The following ACER3 variants were observed in gnomAD, a reference collection of about 807,000 sequenced individuals.
ACER3 encodes the protein alkCDase 3.
In ACER3, 16 loss-of-function variants were observed where a neutral mutation model predicts 48.9. The observed-to-expected ratio is 0.33, with a 90% CI of 0.22 to 0.50. The LOEUF is 0.50. ACER3 is among the 20% of genes least tolerant of loss of function. ACER3 has a pLI of 0.98. For synonymous variants in ACER3, 109 were observed against 107.8 expected (o/e 1.01, Z -0.07); for missense variants, 227 against 326.0 (o/e 0.70, Z 2.34).
At chr11:76,963,585 A>G (rs1202820832) in intron 3 of ACER3, among the ~76,000 whole-genome samples, 1 of 151,338 alleles carries the variant, frequency 6.6e-6, no homozygotes, top group Non-Finnish European at 1.5e-5. Flanking sequence ...GGTCAAATCC[A>G]GTGACATGCT....
At chr11:76,885,836 GA>G (rs1400097571) in intron 1 of ACER3, among the ~76,000 whole-genome samples, 2 of 152,264 alleles carry the variant, frequency 1.3e-5, no homozygotes, top group Middle Eastern at 3.4e-3. Context: ...CTAGCTCTGG[GA>G]GGAGCAATTC....
At chr11:76,907,094 G>C (rs898226281) in intron 1 of ACER3, among the ~76,000 whole-genome samples, 3 of 151,918 alleles carry the variant, frequency 2.0e-5, no homozygotes, top group Non-Finnish European at 2.9e-5. Context: ...TTTTTTACAG[G>C]ATTGGATCAT....
intron 1 of ACER3, among the ~76,000 whole-genome samples, chr11:76,906,140 A>ATTGATAGGG (rs1946226936): frequency 6.6e-6 from 1 of 152,194 alleles, no homozygotes; most frequent in Admixed American, 6.5e-5. Flanking sequence ...ACTTTGAAGC[A>ATTGATAGGG]AGGATAATAT....
chr11:76,938,064 G>T (rs553976012), intron 2 of ACER3, among the ~76,000 whole-genome samples: 20 of 152,272 alleles, frequency 1.3e-4, no homozygotes, highest in Non-Finnish European at 2.4e-4. Context: ...GCTCAGGCTG[G>T]AATGCAGTGG....
intron 1 of ACER3, among the ~76,000 whole-genome samples, chr11:76,911,862 G>T (rs1194101968): frequency 6.6e-6 from 1 of 152,212 alleles, no homozygotes; most frequent in Non-Finnish European, 1.5e-5. Context: ...CAAGGGGAAT[G>T]AGGGAGTGGG....
At chr11:76,890,037 T>C (rs536852325) in intron 1 of ACER3, among the ~76,000 whole-genome samples, 4 of 152,328 alleles carry the variant, frequency 2.6e-5, no homozygotes, top group Admixed American at 2.6e-4. Context: ...TATGGCTGCA[T>C]GTTTCCTCAT....
chr11:76,911,296 C>G (rs1376895426), intron 1 of ACER3, among the ~76,000 whole-genome samples: 3 of 152,144 alleles, frequency 2.0e-5, no homozygotes, highest in Non-Finnish European at 4.4e-5. Context: ...GAGGGTTCCT[C>G]CCTCTTCTGG....
At chr11:76,964,130 C>T (rs1591000034) in intron 3 of ACER3, among the ~76,000 whole-genome samples, 3 of 151,574 alleles carry the variant, frequency 2.0e-5, no homozygotes, top group Admixed American at 2.0e-4. Flanking sequence ...CTGCACTTTC[C>T]CAATGGGCTT....
At chr11:76,913,539 G>A (rs1435594923) in intron 1 of ACER3, among the ~76,000 whole-genome samples, 1 of 120,444 alleles carries the variant, frequency 8.3e-6, no homozygotes, top group Admixed American at 7.8e-5. Flanking sequence ...TTTGAGATAC[G>A]TCCCATCAAT....
At chr11:76,877,879 A>G (rs1311063091) in intron 1 of ACER3, among the ~76,000 whole-genome samples, 4 of 151,638 alleles carry the variant, frequency 2.6e-5, no homozygotes, top group Admixed American at 2.0e-4. Context: ...TGCTTGTTTT[A>G]TATTTTATAT....
Position 77,020,363 on chromosome 11 carries a change from C to T in ACER3, c.*36C>T. 1 of 1,600,220 alleles carries T rather than the reference C, an allele frequency of 6.2e-7. No homozygotes were observed. The highest frequency in any genetic ancestry group is 8.5e-7 in the Non-Finnish European group (1 of 1,170,860). Reference sequence around the variant, plus strand: ...CACCAAGAAAACAAACAAGCACCTACCATAGACCTGGCAGAATAAATAAGG... The same window carrying T: ...CACCAAGAAAACAAACAAGCACCTATCATAGACCTGGCAGAATAAATAAGG... On this transcript the variant is annotated 3_prime_UTR_variant, in exon 11 of 11. Transcript: ENST00000532485.
chr11:77,016,075 C>A, intron 8 of ACER3, among the ~76,000 whole-genome samples: 1 of 149,000 alleles, frequency 6.7e-6, no homozygotes. Context: ...CTACTGTACT[C>A]CAGCCTGGGC....
chr11:77,001,546 A>G (rs1278192894), intron 7 of ACER3, among the ~76,000 whole-genome samples: 5 of 152,120 alleles, frequency 3.3e-5, no homozygotes, highest in African/African-American at 1.2e-4. Flanking sequence ...GTGAGACAAC[A>G]CGCTCGGCCC....
chr11:76,930,612 CA>C (rs1320043456), intron 2 of ACER3, among the ~76,000 whole-genome samples: 2 of 151,978 alleles, frequency 1.3e-5, no homozygotes, highest in Admixed American at 6.6e-5. Flanking sequence ...TAGTGCTATA[CA>C]TTTCCCTCTA....
At chr11:76,875,392 A>G (rs1353463298) in intron 1 of ACER3, among the ~76,000 whole-genome samples, 2 of 151,910 alleles carry the variant, frequency 1.3e-5, no homozygotes, top group Non-Finnish European at 2.9e-5. Context: ...GATTACATAA[A>G]GGCGTGAGCC....
chr11:76,890,483 A>C (rs924892670), intron 1 of ACER3, among the ~76,000 whole-genome samples: 13 of 152,188 alleles, frequency 8.5e-5, no homozygotes, highest in African/African-American at 3.1e-4. Context: ...TTCATTATAA[A>C]GTCATTTTAA....
At chr11:77,015,159 A>G in intron 8 of ACER3, 42 bp downstream of exon 8, 2 of 1,135,228 alleles carry the variant, frequency 1.8e-6, no homozygotes, top group Non-Finnish European at 2.6e-6. Flanking sequence ...TTTTGGAAGC[A>G]TTTTATTAAG....
intron 1 of ACER3, among the ~76,000 whole-genome samples, chr11:76,889,775 T>G (rs1945761078): frequency 6.6e-6 from 1 of 152,164 alleles, no homozygotes; most frequent in South Asian, 2.1e-4. Flanking sequence ...TCAGCCTTAT[T>G]TCTTTTTCCT....
rs1198032472 is a variant in ACER3, at chr11:76,967,952, CAGG to C, written c.268-8334_268-8332del. 2.0e-5 allele frequency among the ~76,000 whole-genome samples: 3 copies of C among 152,116 alleles called. No individual in the cohort carries two copies. In the South Asian group the frequency reaches 6.2e-4, roughly 32 times the overall value. On this transcript the variant is annotated intron_variant, in intron 3 of 10. Coordinates refer to ENST00000532485, the MANE Select transcript of ACER3 (RefSeq NM_018367.7). ...GGAAGTTCTGGCCAGGGCAATCAGG[CAGG>C]AGAAGGAAATAAAGGGCATTCAATT...
Sources: gnomAD v4.1 joint callset for allele counts (sites outside exome capture counted in the v4.1 genomes callset) on GRCh38, gnomAD v4.1.1 for gene constraint, MANE v1.5 for transcripts, NCBI Gene and HGNC (gene_info 2026-07-23, HGNC 2026-07-21) for gene names.